Variants in GNB4 observed in about 807,000 individuals in gnomAD.
GNB4 encodes the protein G protein subunit beta 4.
In GNB4, 28 loss-of-function variants were observed where a neutral mutation model predicts 45.2. The ratio of observed to expected loss-of-function variants is 0.62; its 90% CI spans 0.46 to 0.85. The LOEUF is 0.85. Ranked by LOEUF, GNB4 falls within the 40% of genes least tolerant of loss-of-function variation. The pLI, the probability that GNB4 is intolerant of heterozygous loss-of-function variation, is 0.00. For synonymous variants in GNB4, 132 were observed against 143.7 expected, an observed-to-expected ratio of 0.92 and a Z score of 0.58; for missense variants, 321 against 425.4, an observed-to-expected ratio of 0.75 and a Z score of 2.16.
At chr3:179,432,729 A>G (rs977534093) in intron 1 of GNB4, among the ~76,000 whole-genome samples, 3 of 152,218 alleles carry the variant, frequency 2.0e-5, no homozygotes, top group Admixed American at 2.0e-4. Context: ...GTTTATCAGA[A>G]GCATGCGTAA....
chr3:179,522,097 C>G, the GNB4 span, among the ~76,000 whole-genome samples: 2 of 152,098 alleles, frequency 1.3e-5, no homozygotes, highest in African/African-American at 4.8e-5. Context: ...GCCTCTGAGC[C>G]CAAGCTAAGC....
At chr3:179,482,386 T>C in the GNB4 span, among the ~76,000 whole-genome samples, 1 of 152,192 alleles carries the variant, frequency 6.6e-6, no homozygotes, top group Non-Finnish European at 1.5e-5. Context: ...GTGGGTTCTC[T>C]CTTGAGTGGT....
At chr3:179,456,827 C>T in the GNB4 span, among the ~76,000 whole-genome samples, 1 of 148,554 alleles carries the variant, frequency 6.7e-6, no homozygotes, top group Non-Finnish European at 1.5e-5. Flanking sequence ...ACAGTATGTA[C>T]CTTTCGAGAC....
At chr3:179,522,786 G>A in the GNB4 span, among the ~76,000 whole-genome samples, 1 of 152,174 alleles carries the variant, frequency 6.6e-6, no homozygotes, top group African/African-American at 2.4e-5. Context: ...ATGGGGGTCA[G>A]GTGTGGTATC....
At chr3:179,521,233 G>A in the GNB4 span, among the ~76,000 whole-genome samples, 12 of 152,232 alleles carry the variant, frequency 7.9e-5, no homozygotes, top group East Asian at 1.9e-4. Flanking sequence ...GTCTGATAAC[G>A]GACCAGCCTT....
At position 179,403,667 on chromosome 3, in the gene GNB4, C is replaced by G. The variant is rs557154967; in HGVS notation, c.916+1523G>C. ...AATTAGCTGGGCGTGGTGGTGTGCA[C>G]TTGTAATCCCAGCTAGTCTACTCGG... is the stretch of plus-strand genomic sequence containing the variant. On this transcript the variant is annotated intron_variant, in intron 9 of 9. Transcript: ENST00000232564. Among the ~76,000 whole-genome samples the G allele has an allele frequency of 5.7e-4, 86 of 151,970 alleles. 1 individual carries two copies. Among genetic ancestry groups the G allele is most frequent in the Non-Finnish European group, 9.7e-4 (66 of 67,954 alleles).
Position 179,400,304 on chromosome 3 carries a change from T to C in GNB4, c.*909A>G, listed in dbSNP as rs1032301362. The stretch of plus-strand genomic sequence containing the variant: ...TGTCACATTGCATTTCCTCTCTAGA[T>C]GTATACTGATAGCACTGGGAAAGAT... On this transcript the variant is annotated 3_prime_UTR_variant, in exon 10 of 10. Transcript: ENST00000232564. 2 of 152,220 alleles carry C rather than the reference T, an allele frequency of 1.3e-5. No homozygotes were observed. The highest frequency in any genetic ancestry group is 4.8e-5 in the African/African-American group (2 of 41,458). The allele number at this position is 152,220 out of a possible 1,614,324, so 9.4% of individuals were successfully genotyped here.
At chr3:179,468,982 T>C in the GNB4 span, among the ~76,000 whole-genome samples, 1 of 152,302 alleles carries the variant, frequency 6.6e-6, no homozygotes, top group Middle Eastern at 3.4e-3. Context: ...CACAGCACCT[T>C]ATCTTAACCC....
At chr3:179,406,391 A>G (rs1714470903) in intron 8 of GNB4, among the ~76,000 whole-genome samples, 1 of 152,152 alleles carries the variant, frequency 6.6e-6, no homozygotes, top group African/African-American at 2.4e-5. Flanking sequence ...CCACATCATG[A>G]CTATGATCTC....
the GNB4 span, among the ~76,000 whole-genome samples, chr3:179,520,994 T>C: frequency 0.02 from 3,052 of 152,306 alleles, 111 homozygotes; most frequent in African/African-American, 0.07. Flanking sequence ...TTCCATCTGC[T>C]ATTCTACTAC....
the GNB4 span, among the ~76,000 whole-genome samples, chr3:179,468,035 A>AAATATAAAAAAATAT: frequency 2.2e-5 from 2 of 89,836 alleles, no homozygotes; most frequent in Non-Finnish European, 4.8e-5. Flanking sequence ...TGTTGATAAA[A>AAATATAAAAAAATAT]ATATATATAT....
At chr3:179,495,786 G>A in the GNB4 span, among the ~76,000 whole-genome samples, 1 of 152,236 alleles carries the variant, frequency 6.6e-6, no homozygotes, top group African/African-American at 2.4e-5. Flanking sequence ...AAACCTTGCA[G>A]GCCAGGAGAG....
intron 2 of GNB4, 118 bp from the exon 3 acceptor site, chr3:179,421,045 ATTT>A: frequency 1.6e-6 from 1 of 625,462 alleles, no homozygotes; most frequent in South Asian, 2.0e-5. Context: ...ATCTTTAAAA[ATTT>A]TTTTAATTGA....
intron 8 of GNB4, among the ~76,000 whole-genome samples, chr3:179,411,891 G>C (rs1714663488): frequency 6.6e-6 from 1 of 152,118 alleles, no homozygotes; most frequent in Non-Finnish European, 1.5e-5. Context: ...TGGCAATTAT[G>C]GTACTTTTGG....
At chr3:179,412,563 G>T (rs1448880129) in intron 8 of GNB4, among the ~76,000 whole-genome samples, 1 of 152,128 alleles carries the variant, frequency 6.6e-6, no homozygotes, top group Non-Finnish European at 1.5e-5. Context: ...TCTGATGTAG[G>T]TGGTATTATC....
the GNB4 span, among the ~76,000 whole-genome samples, chr3:179,480,213 T>G: frequency 1.3e-5 from 2 of 152,302 alleles, no homozygotes; most frequent in Admixed American, 1.3e-4. Context: ...GAACTGTGAG[T>G]GAAGCTTCTT....
At position 179,397,088 on chromosome 3, in the gene GNB4, T is replaced by C. The variant is rs1714140757; in HGVS notation, c.*4125A>G. ...ATTTAATTTTTAAAAAAATTCAGCC[T>C]GACTCCGACCCTGAAGATTTCAGAA... On this transcript the variant is annotated 3_prime_UTR_variant, in exon 10 of 10. Coordinates refer to ENST00000232564, the MANE Select transcript of GNB4 (RefSeq NM_021629.4). 1 of 152,256 alleles carries C rather than the reference T, an allele frequency of 6.6e-6. No individual in the cohort carries two copies. The highest frequency in any genetic ancestry group is 2.4e-5 in the African/African-American group (1 of 41,472). The allele number at this position is 152,256 out of a possible 1,614,324, so 9.4% of individuals were successfully genotyped here. A position where few individuals can be genotyped will look rare whatever the true frequency, so the allele number is the denominator to read the frequency against.
At chr3:179,501,063 C>T in the GNB4 span, among the ~76,000 whole-genome samples, 1 of 152,128 alleles carries the variant, frequency 6.6e-6, no homozygotes, top group Non-Finnish European at 1.5e-5. Flanking sequence ...GTTGAGTAAG[C>T]TCTGGAAGTA....
intron 9 of GNB4, among the ~76,000 whole-genome samples, chr3:179,402,158 T>C (rs1714323005): frequency 6.6e-6 from 1 of 152,126 alleles, no homozygotes; most frequent in Admixed American, 6.6e-5. Flanking sequence ...CCATTATGAG[T>C]TGAAATAACA....
Sources: gnomAD v4.1 joint callset for allele counts (sites outside exome capture counted in the v4.1 genomes callset) on GRCh38, gnomAD v4.1.1 for gene constraint, MANE v1.5 for transcripts, NCBI Gene and HGNC (gene_info 2026-07-23, HGNC 2026-07-21) for gene names.